Variants in PAM observed in about 807,000 individuals in gnomAD.
PAM encodes peptidyl-glycine alpha-amidating monooxygenase.
Under a neutral mutation model 122.1 loss-of-function variants are expected in PAM, and 72 were observed. The observed-to-expected ratio is 0.59, with a 90% CI of 0.49 to 0.72. The LOEUF (loss-of-function observed/expected upper bound fraction) is 0.72. PAM is among the 30% of genes least tolerant of loss of function. The pLI, the probability that PAM is intolerant of heterozygous loss-of-function variation, is 0.00. For synonymous variants in PAM, 389 were observed against 404.4 expected, an observed-to-expected ratio of 0.96 and a Z score of 0.46; for missense variants, 1,106 against 1,183.7, an observed-to-expected ratio of 0.93 and a Z score of 0.96.
intron 24 of PAM, among the ~76,000 whole-genome samples, chr5:103,026,497 A>C (rs898896892): frequency 6.6e-6 from 1 of 152,228 alleles, no homozygotes; most frequent in Non-Finnish European, 1.5e-5. Flanking sequence ...ATAAAAATAT[A>C]GTTAACTCTT....
chr5:102,795,222 A>AAG (rs1763104438), intron 1 of PAM, among the ~76,000 whole-genome samples: 1 of 150,298 alleles, frequency 6.7e-6, no homozygotes, highest in African/African-American at 2.4e-5. Context: ...AGAAGAGAAG[A>AAG]AAAAGAAAAA....
At position 102,793,163 on chromosome 5, in the gene PAM, G is replaced by A. The variant is rs6596524; in HGVS notation, c.-374+37815G>A. 3.0e-3 allele frequency among the ~76,000 whole-genome samples: 449 copies of A among 152,158 alleles called. 3 individuals are homozygous for A. The highest frequency in any genetic ancestry group is 0.01 in the African/African-American group (421 of 41,514). ...TTATAGAACACCGAAGATTCTTTGC[G>A]TTTAAAATTCCCTCCGTGTAAATTA... On this transcript the variant is annotated intron_variant, in intron 1 of 25. Transcript: ENST00000438793.
At chr5:102,769,436 G>C (rs1038291218) in intron 1 of PAM, among the ~76,000 whole-genome samples, 4 of 152,216 alleles carry the variant, frequency 2.6e-5, no homozygotes, top group African/African-American at 7.2e-5. Flanking sequence ...CCATACCCAT[G>C]TCCTGGAGTG....
intron 4 of PAM, among the ~76,000 whole-genome samples, chr5:102,908,546 A>G (rs1800345017): frequency 7.3e-6 from 1 of 137,366 alleles, no homozygotes; most frequent in East Asian, 2.5e-4. Context: ...GAAGGGGAAC[A>G]TCACACTCTC....
At chr5:102,996,719 T>C (rs1056476301) in intron 16 of PAM, among the ~76,000 whole-genome samples, 2 of 152,208 alleles carry the variant, frequency 1.3e-5, no homozygotes, top group Admixed American at 6.5e-5. Context: ...TTTAAACATA[T>C]AGACGTCTGT....
intron 15 of PAM, among the ~76,000 whole-genome samples, chr5:102,976,539 T>C (rs1475751697): frequency 3.3e-5 from 5 of 150,284 alleles, no homozygotes; most frequent in African/African-American, 1.3e-4. Context: ...CATTGTTTCT[T>C]TCATACCCTT....
intron 22 of PAM, 122 bp from the exon 23 acceptor site, chr5:103,019,665 TATA>T: frequency 1.5e-6 from 1 of 682,138 alleles, no homozygotes; most frequent in Non-Finnish European, 2.7e-6. Context: ...TCTTTCCTAA[TATA>T]ATAATGCATT....
chr5:102,861,079 A>G (rs946401044), intron 1 of PAM, among the ~76,000 whole-genome samples: 1 of 152,230 alleles, frequency 6.6e-6, no homozygotes, highest in South Asian at 2.1e-4. Flanking sequence ...GAGAAGCCAC[A>G]TATTGAGGAC....
At chr5:102,931,559 T>C (rs1367239496) in intron 7 of PAM, among the ~76,000 whole-genome samples, 1 of 152,206 alleles carries the variant, frequency 6.6e-6, no homozygotes, top group African/African-American at 2.4e-5. Flanking sequence ...TCTCCTCTCA[T>C]TTTTAGAATT....
At chr5:102,895,214 C>T (rs1795874804) in intron 3 of PAM, among the ~76,000 whole-genome samples, 1 of 151,816 alleles carries the variant, frequency 6.6e-6, no homozygotes. Context: ...TACGCTAAAA[C>T]ATTGCCAACC....
rs1198330712 is a variant in PAM, at chr5:102,926,587, G to A, written c.445G>A (p.Val149Ile). The A allele has an allele frequency of 2.6e-6, 4 of 1,561,056 alleles. No individual in the cohort carries two copies. The highest frequency in any genetic ancestry group is 3.5e-6 in the Non-Finnish European group (4 of 1,132,332). ...TTAACTTTTTTGTAAATCTTTAGGT[G>A]TTGGATTCAGAGTTGGAGGAGAGAC... ...NAPPTRLPKG[V>I]GFRVGGETGS... The change falls in exon 7 of 26, where the codon GTT becomes ATT. Residue 149 changes from valine (V) to isoleucine (I), a missense_variant and splice_region_variant. Around this residue, in one of 3 missense-constraint regions of PAM, gnomAD observed 670 missense variants for 690.3 expected, o/e 0.97. Coordinates refer to ENST00000438793, the MANE Select transcript of PAM (RefSeq NM_001177306.2).
intron 1 of PAM, among the ~76,000 whole-genome samples, chr5:102,773,056 C>T (rs1168258164): frequency 6.6e-6 from 1 of 152,100 alleles, no homozygotes; most frequent in Non-Finnish European, 1.5e-5. Flanking sequence ...AACTATTTTA[C>T]TTCCTTGGGA....
At chr5:102,896,558 C>G (rs1796275045) in intron 3 of PAM, among the ~76,000 whole-genome samples, 1 of 151,610 alleles carries the variant, frequency 6.6e-6, no homozygotes, top group South Asian at 2.1e-4. Context: ...TACAAGATTA[C>G]ATTCTAGGTT....
chr5:102,963,074 T>C (rs770841509), intron 14 of PAM, among the ~76,000 whole-genome samples: 1 of 151,896 alleles, frequency 6.6e-6, no homozygotes, highest in Non-Finnish European at 1.5e-5. Context: ...ACTCATATGT[T>C]GAAATTAGTG....
chr5:102,849,977 A>C (rs1264306408), intron 1 of PAM, among the ~76,000 whole-genome samples: 1 of 152,168 alleles, frequency 6.6e-6, no homozygotes, highest in African/African-American at 2.4e-5. Flanking sequence ...CTCATTTTAA[A>C]AATCATTTAA....
At chr5:102,948,706 A>G (rs73175484) in intron 9 of PAM, among the ~76,000 whole-genome samples, 2,292 of 152,178 alleles carry the variant, frequency 0.015, 50 homozygotes, top group African/African-American at 0.053. Context: ...TAAAGAATAA[A>G]TCTTGAGTAT....
At chr5:103,011,243 A>T (rs910331382) in intron 21 of PAM, among the ~76,000 whole-genome samples, 1 of 152,222 alleles carries the variant, frequency 6.6e-6, no homozygotes, top group Admixed American at 6.5e-5. Context: ...CCATGTGGCA[A>T]GTAAAACCTG....
At chr5:102,882,097 A>C (rs1169713784) in intron 3 of PAM, among the ~76,000 whole-genome samples, 1 of 75,824 alleles carries the variant, frequency 1.3e-5, no homozygotes, top group Non-Finnish European at 2.5e-5. Context: ...ATATATATAT[A>C]TATATATATA....
intron 15 of PAM, among the ~76,000 whole-genome samples, chr5:102,978,584 A>G (rs1451059864): frequency 6.6e-6 from 1 of 152,116 alleles, no homozygotes; most frequent in Non-Finnish European, 1.5e-5. Flanking sequence ...AAACCTCTGG[A>G]TGTGAGAAAA....
Sources: allele counts gnomAD v4.1 joint callset (sites outside exome capture counted in the v4.1 genomes callset), GRCh38; gene constraint gnomAD v4.1.1; regional missense constraint gnomAD v4.1.1; transcripts MANE v1.5; gene names NCBI Gene and HGNC (gene_info 2026-07-23, HGNC 2026-07-21).